TLN2: variants seen among roughly 807,000 people sequenced by gnomAD.
TLN2 encodes the protein talin 2.
A neutral mutation model predicts 294.7 loss-of-function variants in TLN2; 118 were observed. That is an observed-to-expected ratio of 0.40 (90% CI 0.34 to 0.47). The LOEUF (loss-of-function observed/expected upper bound fraction) is 0.47. Ranked by LOEUF, TLN2 falls within the 20% of genes least tolerant of loss-of-function variation. TLN2 has a pLI of 0.84. For synonymous variants in TLN2, 1,431 were observed against 1,304.5 expected, an observed-to-expected ratio of 1.10 and a Z score of -2.09; for missense variants, 3,083 against 3,282.2, an observed-to-expected ratio of 0.94 and a Z score of 1.48.
intron 1 of TLN2, among the ~76,000 whole-genome samples, chr15:62,432,399 G>A (rs1566966755): frequency 6.6e-6 from 1 of 152,280 alleles, no homozygotes; most frequent in South Asian, 2.1e-4. Flanking sequence ...TCCTCACATG[G>A]TAGAAGGGCA....
intron 1 of TLN2, among the ~76,000 whole-genome samples, chr15:62,525,023 G>A (rs2040661864): frequency 6.6e-6 from 1 of 152,204 alleles, no homozygotes; most frequent in South Asian, 2.1e-4. Context: ...CATAGTCATC[G>A]TGATAGCATC....
intron 1 of TLN2, among the ~76,000 whole-genome samples, chr15:62,532,422 G>T (rs1315772805): frequency 1.3e-5 from 2 of 152,048 alleles, no homozygotes; most frequent in Non-Finnish European, 2.9e-5. Flanking sequence ...TGAATTTACT[G>T]AAAGTTCATG....
At chr15:62,706,472 C>T (rs962224992) in intron 19 of TLN2, among the ~76,000 whole-genome samples, 5 of 152,232 alleles carry the variant, frequency 3.3e-5, no homozygotes, top group African/African-American at 7.2e-5. Flanking sequence ...CAGAAGGCTG[C>T]AGAACACTGA....
chr15:62,639,993 C>A (rs1384121931), intron 3 of TLN2, among the ~76,000 whole-genome samples: 1 of 152,188 alleles, frequency 6.6e-6, no homozygotes, highest in Non-Finnish European at 1.5e-5. Flanking sequence ...CAGATAGGCA[C>A]CTGTCTATGC....
At chr15:62,687,102 T>TC (rs1270470512) in intron 12 of TLN2, among the ~76,000 whole-genome samples, 1 of 152,158 alleles carries the variant, frequency 6.6e-6, no homozygotes, top group African/African-American at 2.4e-5. Context: ...CCTGATGACA[T>TC]CCCTAGCATA....
intron 1 of TLN2, among the ~76,000 whole-genome samples, chr15:62,464,734 A>G (rs978651288): frequency 6.6e-6 from 1 of 152,136 alleles, no homozygotes; most frequent in Non-Finnish European, 1.5e-5. Context: ...TGTTCATGTT[A>G]GCAGCCAGCT....
intron 2 of TLN2, among the ~76,000 whole-genome samples, chr15:62,606,179 TCAAG>T (rs2047422620): frequency 6.6e-6 from 1 of 152,028 alleles, no homozygotes; most frequent in South Asian, 2.1e-4. Flanking sequence ...CCTCCCAGGT[TCAAG>T]CAATTTTCCT....
chr15:62,770,098 A>G (rs1463808), intron 41 of TLN2, among the ~76,000 whole-genome samples: 149,710 of 152,338 alleles, frequency 0.98, 73,612 homozygotes, highest in East Asian at 1. Context: ...GCTGAGAGCC[A>G]GGGCTGTGGG....
chr15:62,688,022 G>A (rs2057437537), intron 12 of TLN2: 1 of 152,200 alleles, frequency 6.6e-6, no homozygotes, highest in Admixed American at 6.5e-5. Flanking sequence ...CCTTTGGAGA[G>A]GTATGTGGTA....
intron 1 of TLN2, among the ~76,000 whole-genome samples, chr15:62,527,048 C>T (rs1041573266): frequency 6.6e-6 from 1 of 152,102 alleles, no homozygotes; most frequent in Non-Finnish European, 1.5e-5. Context: ...GACATGACGT[C>T]GAGCTTCCTT....
intron 1 of TLN2, among the ~76,000 whole-genome samples, chr15:62,558,857 T>G (rs920562296): frequency 1.3e-5 from 2 of 152,214 alleles, no homozygotes; most frequent in Non-Finnish European, 2.9e-5. Context: ...TAAAGCTGTC[T>G]GCGGTGGTTA....
At chr15:62,823,485 A>AACCCT (rs1158354235) in intron 54 of TLN2, among the ~76,000 whole-genome samples, 1 of 152,202 alleles carries the variant, frequency 6.6e-6, no homozygotes, top group African/African-American at 2.4e-5. Flanking sequence ...ACATCCCTAT[A>AACCCT]ACCCTACCCT....
chr15:62,509,590 A>G (rs999858570), intron 1 of TLN2, among the ~76,000 whole-genome samples: 1 of 152,144 alleles, frequency 6.6e-6, no homozygotes, highest in Non-Finnish European at 1.5e-5. Context: ...TCTTCGGCAT[A>G]ACTTGCCTGG....
intron 1 of TLN2, among the ~76,000 whole-genome samples, chr15:62,505,977 T>C (rs140250278): frequency 5.5e-4 from 84 of 152,320 alleles, no homozygotes; most frequent in African/African-American, 2.0e-3. Context: ...CTTTCCTTTA[T>C]TCTATTTATG....
intron 1 of TLN2, among the ~76,000 whole-genome samples, chr15:62,467,626 G>A (rs1044460958): frequency 1.2e-4 from 18 of 152,238 alleles, no homozygotes; most frequent in African/African-American, 3.4e-4. Context: ...TAGAGGTTGC[G>A]GTGAGCTGAG....
chr15:62,665,064 A>T (rs558330717), intron 9 of TLN2, among the ~76,000 whole-genome samples: 1 of 151,978 alleles, frequency 6.6e-6, no homozygotes, highest in African/African-American at 2.4e-5. Context: ...TTCACACTCA[A>T]CTATTTTTGT....
chr15:62,563,230 C>G (rs916281312), intron 1 of TLN2, among the ~76,000 whole-genome samples: 1 of 152,022 alleles, frequency 6.6e-6, no homozygotes, highest in African/African-American at 2.4e-5. Context: ...GAAGTGCTCC[C>G]TGTTCACCGC....
chr15:62,664,086 T>G (rs75365323), intron 9 of TLN2, among the ~76,000 whole-genome samples: 3,791 of 152,080 alleles, frequency 0.025, 80 homozygotes, highest in South Asian at 0.053. Context: ...TTCAAAAGAT[T>G]GATAAATTTA....
At chr15:62,753,956 C>T (rs1207138298) in intron 36 of TLN2, 40 bp downstream of exon 36, 24 of 1,510,054 alleles carry the variant, frequency 1.6e-5, no homozygotes, top group Non-Finnish European at 2.0e-5. Context: ...AGCCCTTAAG[C>T]AGCTCCTCTA....
Sources: gnomAD v4.1 joint callset for allele counts (sites outside exome capture counted in the v4.1 genomes callset) on GRCh38, gnomAD v4.1.1 for gene constraint, MANE v1.5 for transcripts, NCBI Gene and HGNC (gene_info 2026-07-23, HGNC 2026-07-21) for gene names.